Variants in XPO6 observed in about 807,000 individuals in gnomAD.
XPO6 encodes exportin-6.
A neutral mutation model predicts 130.0 loss-of-function variants in XPO6; 3 were observed. The ratio of observed to expected loss-of-function variants is 0.02; its 90% CI spans 0.01 to 0.06. The LOEUF (loss-of-function observed/expected upper bound fraction) is 0.06. Among genes scored for constraint, XPO6 ranks in the 10% least tolerant of loss-of-function variants. XPO6 has a pLI of 1.00. For synonymous variants in XPO6, 524 were observed against 548.9 expected (o/e 0.95, Z 0.63); for missense variants, 970 against 1,393.0 (o/e 0.70, Z 4.83).
chr16:28,167,933 T>C (rs1255354121), intron 5 of XPO6, among the ~76,000 whole-genome samples: 1 of 66,880 alleles, frequency 1.5e-5, no homozygotes, highest in Non-Finnish European at 2.9e-5. Flanking sequence ...GAGAGGAGAA[T>C]GGGGCGGGGT....
At chr16:28,210,459 T>C (rs926344572) in intron 1 of XPO6, among the ~76,000 whole-genome samples, 3 of 152,230 alleles carry the variant, frequency 2.0e-5, no homozygotes, top group Non-Finnish European at 4.4e-5. Flanking sequence ...TGCCAGGAGC[T>C]GGAGCAGATA....
chr16:28,199,964 T>C (rs1049515897), intron 1 of XPO6, among the ~76,000 whole-genome samples: 17 of 152,076 alleles, frequency 1.1e-4, no homozygotes, highest in African/African-American at 3.9e-4. Context: ...AAGACCAGCC[T>C]GCCCAACATG....
intron 9 of XPO6, among the ~76,000 whole-genome samples, chr16:28,143,736 A>ACCC (rs1317921778): frequency 6.6e-6 from 1 of 152,128 alleles, no homozygotes; most frequent in Non-Finnish European, 1.5e-5. Context: ...ACCCGGGTTC[A>ACCC]GGAGATTCTC....
intron 12 of XPO6, 122 bp from the exon 13 acceptor site, chr16:28,125,970 AG>A (rs2087393518): frequency 2.3e-6 from 3 of 1,279,202 alleles, no homozygotes; most frequent in Non-Finnish European, 1.1e-6. Flanking sequence ...CGCGAAACAA[AG>A]CAACCCACGG....
chr16:28,106,171 A>G lies in XPO6; in HGVS notation c.2656T>C (p.Cys886Arg). The change falls in exon 20 of 24, where the codon TGC becomes CGC. Residue 886 changes from cysteine to arginine, a missense_variant. Cys to Arg is a radical substitution (Grantham distance 180). Coordinates refer to ENST00000304658, the MANE Select transcript of XPO6 (RefSeq NM_015171.4). This position sits in a 1 kb window ranked among gnomAD's most constrained non-coding sequence, Gnocchi z 4.2. ...TTCAGAAACTTCTCCACCACCCGGC[A>G]GCCTGTGCTGCCCTCGTGGAGGATG... The part of the protein sequence containing the change: ...ESILHEGSTG[C>R]RVVEKFLKIL... 6.2e-7 allele frequency: 1 copy of G among 1,614,182 alleles called. No individual in the cohort carries two copies. The highest frequency in any genetic ancestry group is 8.5e-7 in the Non-Finnish European group (1 of 1,180,042).
chr16:28,134,807 A>T (rs140654468), intron 10 of XPO6, among the ~76,000 whole-genome samples: 1 of 152,352 alleles, frequency 6.6e-6, no homozygotes, highest in African/African-American at 2.4e-5. Flanking sequence ...TACTCCAAAC[A>T]GACTTCCTTT....
intron 17 of XPO6, among the ~76,000 whole-genome samples, chr16:28,108,737 C>T (rs914235404): frequency 6.6e-6 from 1 of 152,202 alleles, no homozygotes; most frequent in African/African-American, 2.4e-5. Context: ...TCCCCCGAAC[C>T]CCAGTGCTCA....
intron 8 of XPO6, among the ~76,000 whole-genome samples, chr16:28,148,892 A>T (rs1293347949): frequency 6.6e-6 from 1 of 151,748 alleles, no homozygotes; most frequent in Non-Finnish European, 1.5e-5. Context: ...AAATACAAAA[A>T]ATTAGCCGGG....
chr16:28,144,015 A>T (rs1013003652), intron 9 of XPO6, among the ~76,000 whole-genome samples: 1 of 152,234 alleles, frequency 6.6e-6, no homozygotes, highest in Non-Finnish European at 1.5e-5. Context: ...GATATGAAGG[A>T]ATATCTACCA....
chr16:28,185,781 G>C (rs1193727473), intron 1 of XPO6, among the ~76,000 whole-genome samples: 3 of 152,158 alleles, frequency 2.0e-5, no homozygotes, highest in Admixed American at 2.0e-4. Flanking sequence ...GCTTCCCCAA[G>C]AGTTACTTGG....
At chr16:28,151,688 T>C (rs1298219905) in intron 8 of XPO6, among the ~76,000 whole-genome samples, 2 of 152,184 alleles carry the variant, frequency 1.3e-5, no homozygotes, top group Non-Finnish European at 2.9e-5. Context: ...ACCTAAGATT[T>C]ATGCACTTTT....
chr16:28,203,420 A>G (rs1330543954), intron 1 of XPO6, among the ~76,000 whole-genome samples: 5 of 152,192 alleles, frequency 3.3e-5, no homozygotes, highest in Non-Finnish European at 7.3e-5. Context: ...CTGTGCTATC[A>G]CATCTTCCTT....
chr16:28,178,287 G>A lies in XPO6; in HGVS notation c.95-955C>T, dbSNP rs761812071. ...AGTCTCATTAAAAAATCCATGGAAA[G>A]GCCAGGCACAGTGGCTCACATCTGT... On this transcript the variant is annotated intron_variant, in intron 2 of 23. Transcript: ENST00000304658. 1.1e-4 allele frequency among the ~76,000 whole-genome samples: 16 copies of A among 152,116 alleles called. 1 individual carries two copies. The highest frequency in any genetic ancestry group is 3.3e-4 in the Admixed American group (5 of 15,278).
chr16:28,202,030 A>G (rs762000856), intron 1 of XPO6, among the ~76,000 whole-genome samples: 20 of 152,202 alleles, frequency 1.3e-4, no homozygotes, highest in South Asian at 2.1e-4. Context: ...GAGATGTCAC[A>G]TAAGTTTCAT....
chr16:28,135,535 G>A (rs184047690), intron 9 of XPO6, among the ~76,000 whole-genome samples: 21 of 152,086 alleles, frequency 1.4e-4, no homozygotes, highest in African/African-American at 4.8e-4. Flanking sequence ...CAGGCACCAT[G>A]TATCTTCCTG....
chr16:28,184,925 T>C lies in XPO6; in HGVS notation c.4-3894A>G, dbSNP rs567574208. On this transcript the variant is annotated intron_variant, in intron 1 of 23. Coordinates refer to ENST00000304658, the MANE Select transcript of XPO6 (RefSeq NM_015171.4). ...CCCTGCAATTCTACTCCTTGATATA[T>C]ACCCAACAGAAATTTTTACATGTAT... is the stretch of plus-strand genomic sequence containing the variant. Among the ~76,000 whole-genome samples, 15 of 152,244 alleles carry C rather than the reference T, an allele frequency of 9.9e-5. No homozygotes were observed. The South Asian group carries it at 2.7e-3, about 27-fold the overall frequency.
At position 28,156,255 on chromosome 16, in the gene XPO6, C is replaced by A. The variant is rs746335516; in HGVS notation, c.916G>T (p.Gly306Cys). Residue 306 changes from glycine to cysteine, a missense_variant, in exon 7 of 24, where the codon GGC becomes TGC. This residue lies in a region of XPO6 where 936 missense variants were observed against 1,306.8 expected (regional missense o/e 0.72). Coordinates refer to ENST00000304658, the MANE Select transcript of XPO6 (RefSeq NM_015171.4). ...SQNCVSGQER[G>C]RLGVLAMSCI... Reference sequence around the variant, plus strand: ...GACATGGCCAGGACCCCCAGCCGGCCGCGCTCCTGACCCGAGACACAGTTC... The same window carrying A: ...GACATGGCCAGGACCCCCAGCCGGCAGCGCTCCTGACCCGAGACACAGTTC... The A allele has an allele frequency of 2.3e-5, 37 of 1,614,022 alleles. No individual in the cohort carries two copies. The highest frequency in any genetic ancestry group is 3.1e-5 in the Non-Finnish European group (37 of 1,180,028).
At chr16:28,150,489 A>T (rs2043066428) in intron 8 of XPO6, among the ~76,000 whole-genome samples, 1 of 152,190 alleles carries the variant, frequency 6.6e-6, no homozygotes, top group Admixed American at 6.5e-5. Context: ...GAGGAAACTG[A>T]AATCTAAGTA....
chr16:28,176,474 G>A (rs984469561), intron 3 of XPO6, among the ~76,000 whole-genome samples: 2 of 151,738 alleles, frequency 1.3e-5, no homozygotes, highest in Admixed American at 6.6e-5. Flanking sequence ...ATACAAAATA[G>A]CATGGGCAAT....
Sources: allele counts gnomAD v4.1 joint callset (sites outside exome capture counted in the v4.1 genomes callset), GRCh38; gene constraint gnomAD v4.1.1; regional missense constraint gnomAD v4.1.1; non-coding constraint Gnocchi (gnomAD v3.1); transcripts MANE v1.5; gene names NCBI Gene and HGNC (gene_info 2026-07-23, HGNC 2026-07-21).